The following NUMB variants were observed in gnomAD, a reference collection of about 807,000 sequenced individuals.
The protein encoded by NUMB is NUMB endocytic adaptor protein.
NUMB carries 29 observed loss-of-function variants against 59.7 expected under a neutral mutation model. The observed-to-expected ratio is 0.49, with a 90% CI of 0.36 to 0.66. The LOEUF (loss-of-function observed/expected upper bound fraction) is 0.66, where lower values mean the gene tolerates loss of function less well. NUMB is among the 30% of genes least tolerant of loss of function. The probability of loss-of-function intolerance (pLI) is 0.00; values close to 1 mark genes in which losing one functional copy is unlikely to be tolerated. For synonymous variants in NUMB, 288 were observed against 288.2 expected (o/e 1.00, Z 0.01); for missense variants, 723 against 822.0 (o/e 0.88, Z 1.47).
intron 4 of NUMB, among the ~76,000 whole-genome samples, chr14:73,323,441 T>C (rs1305287397): frequency 2.0e-5 from 3 of 152,212 alleles, no homozygotes; most frequent in Non-Finnish European, 4.4e-5. Flanking sequence ...TAACTTTACA[T>C]ATTCTCAGTG....
At position 73,395,037 on chromosome 14, in the gene NUMB, T is replaced by TGTGTGTG. The variant is rs1896053515; in HGVS notation, c.-101+14899_-101+14900insCACACAC. On this transcript the variant is annotated intron_variant, in intron 2 of 12. Transcript: ENST00000555238. Reference sequence around the variant, plus strand: ...TTAAGGTTGAATAGTATTCGTGTGTTTGTGTGTGTGTGTGTGTGTGTGTGT... The same window carrying TGTGTGTG: ...TTAAGGTTGAATAGTATTCGTGTGTTGTGTGTGTGTGTGTGTGTGTGTGTGTGTGTGT... Among the ~76,000 whole-genome samples the TGTGTGTG allele has an allele frequency of 7.3e-4, 88 of 120,002 alleles. 1 individual carries two copies. Among genetic ancestry groups the TGTGTGTG allele is most frequent in the Non-Finnish European group, 1.0e-3 (60 of 58,594 alleles). 78.7% of individuals were successfully genotyped at this position (120,002 alleles called of 152,430 possible). A position where few individuals can be genotyped will look rare whatever the true frequency, so the allele number is the denominator to read the frequency against.
chr14:73,293,388 TTTTTC>T (rs1179437129), intron 7 of NUMB, among the ~76,000 whole-genome samples: 19 of 130,942 alleles, frequency 1.5e-4, no homozygotes, highest in African/African-American at 4.1e-4. Flanking sequence ...CACTCGTTTC[TTTTTC>T]TTTTTTTTTT....
chr14:73,444,512 T>TC (rs1883321030), intron 1 of NUMB, among the ~76,000 whole-genome samples: 1 of 152,026 alleles, frequency 6.6e-6, no homozygotes, highest in East Asian at 1.9e-4. Flanking sequence ...CTACCCTGAA[T>TC]TGAGGCAAGC....
At position 73,449,558 on chromosome 14, in the gene NUMB, T is replaced by C. The variant is rs184731435; in HGVS notation, c.-233+8935A>G. On this transcript the variant is annotated intron_variant, in intron 1 of 12. Coordinates refer to ENST00000555238, the MANE Select transcript of NUMB (RefSeq NM_001005743.2). ...AGAATACACAGATAAGGGCTGACTATAATATGATAGATAAACAGCCTGTGA... is the reference window on the plus strand; with the variant it reads ...AGAATACACAGATAAGGGCTGACTACAATATGATAGATAAACAGCCTGTGA... 1.7e-3 allele frequency among the ~76,000 whole-genome samples: 253 copies of C among 152,322 alleles called. 3 individuals are homozygous for C. The highest frequency in any genetic ancestry group is 5.9e-3 in the African/African-American group (245 of 41,578).
At chr14:73,445,472 A>G (rs1023140271) in intron 1 of NUMB, among the ~76,000 whole-genome samples, 1 of 151,798 alleles carries the variant, frequency 6.6e-6, no homozygotes, top group Admixed American at 6.6e-5. Flanking sequence ...AAATGTGACA[A>G]AGTCAAAAAG....
intron 1 of NUMB, among the ~76,000 whole-genome samples, chr14:73,412,192 C>T (rs1275297418): frequency 6.6e-6 from 1 of 152,082 alleles, no homozygotes; most frequent in Non-Finnish European, 1.5e-5. Context: ...CTGCTGTTTA[C>T]AGGCATACAC....
intron 4 of NUMB, among the ~76,000 whole-genome samples, chr14:73,355,291 G>C (rs1395868644): frequency 1.3e-5 from 2 of 152,148 alleles, no homozygotes; most frequent in Non-Finnish European, 2.9e-5. Flanking sequence ...AGCTTCACCA[G>C]TTAGTAAGCA....
At chr14:73,421,817 G>T (rs931118076) in intron 1 of NUMB, among the ~76,000 whole-genome samples, 1 of 152,140 alleles carries the variant, frequency 6.6e-6, no homozygotes, top group Non-Finnish European at 1.5e-5. Context: ...CAAACACTTT[G>T]TGTCTAAATG....
At chr14:73,300,448 C>T (rs1335514021) in intron 6 of NUMB, among the ~76,000 whole-genome samples, 1 of 151,996 alleles carries the variant, frequency 6.6e-6, no homozygotes, top group Non-Finnish European at 1.5e-5. Context: ...AGAGGAAAGA[C>T]GACAGGCAGA....
chr14:73,294,169 G>C (rs1022861583), intron 7 of NUMB, among the ~76,000 whole-genome samples: 6 of 152,172 alleles, frequency 3.9e-5, no homozygotes, highest in African/African-American at 1.4e-4. Context: ...ATACTCAAAT[G>C]GAAAACTCTT....
intron 2 of NUMB, among the ~76,000 whole-genome samples, chr14:73,399,994 G>A (rs529369416): frequency 2.0e-5 from 3 of 151,422 alleles, no homozygotes; most frequent in Non-Finnish European, 2.9e-5. Flanking sequence ...AGCTGAGATC[G>A]TGCCACTGCA....
intron 6 of NUMB, among the ~76,000 whole-genome samples, chr14:73,307,728 C>CTTTTTTTTTTTTT (rs34429117): frequency 1.0e-5 from 1 of 95,488 alleles, no homozygotes; most frequent in Non-Finnish European, 1.9e-5. Context: ...GGGCCTCTGT[C>CTTTTTTTTTTTTT]TTTTTTTTTT....
chr14:73,440,757 G>A (rs1231671017), intron 1 of NUMB, among the ~76,000 whole-genome samples: 2 of 150,756 alleles, frequency 1.3e-5, no homozygotes, highest in Non-Finnish European at 3.0e-5. Flanking sequence ...GAAACCGGGA[G>A]GTGGAGGTTG....
At chr14:73,337,286 A>G (rs1469653883) in intron 4 of NUMB, among the ~76,000 whole-genome samples, 1 of 152,136 alleles carries the variant, frequency 6.6e-6, no homozygotes, top group African/African-American at 2.4e-5. Context: ...CAAGGTGGGC[A>G]GATCACTTGA....
intron 4 of NUMB, among the ~76,000 whole-genome samples, chr14:73,332,131 T>C (rs1892013673): frequency 6.6e-6 from 1 of 152,204 alleles, no homozygotes; most frequent in African/African-American, 2.4e-5. Context: ...TCATGGATTG[T>C]AAAGCCCACA....
At chr14:73,404,976 G>A (rs1896591528) in intron 2 of NUMB, among the ~76,000 whole-genome samples, 1 of 152,080 alleles carries the variant, frequency 6.6e-6, no homozygotes, top group Admixed American at 6.6e-5. Context: ...GGCCAGGCTG[G>A]TCTCGAACTC....
chr14:73,421,178 TTTTG>T lies in NUMB; in HGVS notation c.-232-11114_-232-11111del, dbSNP rs1013005009. Among the ~76,000 whole-genome samples the T allele has an allele frequency of 9.4e-5, 14 of 149,708 alleles. 1 individual carries two copies. The highest frequency in any genetic ancestry group is 8.0e-4 in the Admixed American group (12 of 14,996). ...GAAAAGGAAAGTTTTTTTTTGGTGT[TTTTG>T]TTTGTTTGTTTGTTTGTTTTGAGAC... On this transcript the variant is annotated intron_variant, in intron 1 of 12. Transcript: ENST00000555238.
Position 73,275,834 on chromosome 14 carries a change from CCT to C in NUMB, c.*742_*743del, listed in dbSNP as rs139778655. The stretch of plus-strand genomic sequence containing the variant: ...ATCCTGTCTGCAGCTTCCAGCCTTT[CCT>C]CTTTTTATTTCAGTAGGCATCAATG... On this transcript the variant is annotated 3_prime_UTR_variant, in exon 13 of 13. Coordinates refer to ENST00000555238, the MANE Select transcript of NUMB (RefSeq NM_001005743.2). The C allele has an allele frequency of 8.5e-4, 130 of 152,714 alleles. No homozygotes were observed. The highest frequency in any genetic ancestry group is 3.0e-3 in the African/African-American group (125 of 41,554). The allele number at this position is 152,714 out of a possible 1,614,324, so 9.5% of individuals were successfully genotyped here. A position where few individuals can be genotyped will look rare whatever the true frequency, so the allele number is the denominator to read the frequency against.
chr14:73,278,478 C>G (rs1463617119), intron 12 of NUMB, among the ~76,000 whole-genome samples: 1 of 151,860 alleles, frequency 6.6e-6, no homozygotes, highest in African/African-American at 2.4e-5. Flanking sequence ...CAAGATCATG[C>G]CACTGCATTC....
Sources: gnomAD v4.1 joint callset for allele counts (sites outside exome capture counted in the v4.1 genomes callset) on GRCh38, gnomAD v4.1.1 for gene constraint, MANE v1.5 for transcripts, NCBI Gene and HGNC (gene_info 2026-07-23, HGNC 2026-07-21) for gene names.